RTL4: variants seen among roughly 807,000 people sequenced by gnomAD.
RTL4 encodes retrotransposon Gag-like protein 4.
Under a neutral mutation model 5.3 loss-of-function variants are expected in RTL4, and 4 were observed. The observed-to-expected ratio is 0.75, with a 90% CI of 0.37 to 1.72. The LOEUF is 1.72. Among genes scored for constraint, RTL4 ranks in the 40% most tolerant of loss-of-function variants. The pLI is 0.04. For synonymous variants in RTL4, 98 were observed against 87.3 expected (o/e 1.12, Z -0.68); for missense variants, 260 against 227.1 (o/e 1.14, Z -0.93).
chrX:112,435,266 T>C, the RTL4 span, among the ~76,000 whole-genome samples: 1 of 111,691 alleles, frequency 9.0e-6, no homozygotes, highest in Non-Finnish European at 1.9e-5. Context: ...CCAAGCATCC[T>C]TGTATACTGA....
the RTL4 span, among the ~76,000 whole-genome samples, chrX:112,123,908 A>T: frequency 1.2e-4 from 13 of 111,869 alleles, no homozygotes; most frequent in Non-Finnish European, 2.4e-4. Context: ...CAATGTACAC[A>T]ATGGGAGAAA....
the RTL4 span, among the ~76,000 whole-genome samples, chrX:112,440,040 A>G: frequency 4.5e-5 from 5 of 111,813 alleles, no homozygotes; most frequent in Non-Finnish European, 7.5e-5. Flanking sequence ...ATTTGGACAG[A>G]AAAAAAGATG....
At chrX:112,360,379 T>C in the RTL4 span, among the ~76,000 whole-genome samples, 1 of 111,135 alleles carries the variant, frequency 9.0e-6, no homozygotes, top group East Asian at 2.8e-4. Context: ...ACAAAAGATA[T>C]GTTATTTAGG....
At chrX:112,133,312 A>G in the RTL4 span, among the ~76,000 whole-genome samples, 1 of 112,396 alleles carries the variant, frequency 8.9e-6, no homozygotes, top group Non-Finnish European at 1.9e-5. Context: ...GCCAATATGT[A>G]GTTTGATATA....
the RTL4 span, among the ~76,000 whole-genome samples, chrX:112,390,221 G>A: frequency 1.1e-5 from 1 of 87,296 alleles, no homozygotes; most frequent in South Asian, 6.1e-4. Context: ...GGGAGGCTGA[G>A]GGAAGTGGAT....
At chrX:112,454,114 A>G (rs532988199), upstream of RTL4, among the ~76,000 whole-genome samples, 5 of 112,129 alleles carry the variant, frequency 4.5e-5, no homozygotes, top group South Asian at 1.8e-3. Flanking sequence ...TGGAAAAAAG[A>G]TACTTTAGAA....
At chrX:112,353,529 T>C in the RTL4 span, among the ~76,000 whole-genome samples, 2 of 111,028 alleles carry the variant, frequency 1.8e-5, no homozygotes, top group African/African-American at 6.6e-5. Context: ...TCATGTCCAT[T>C]GTAGGGACAT....
the RTL4 span, among the ~76,000 whole-genome samples, chrX:112,291,838 GC>G: frequency 9.1e-6 from 1 of 109,826 alleles, no homozygotes; most frequent in African/African-American, 3.3e-5. Flanking sequence ...CTCGTAATCC[GC>G]CCCCCTCGGC....
the RTL4 span, among the ~76,000 whole-genome samples, chrX:112,237,556 C>T: frequency 3.4e-4 from 38 of 112,191 alleles, no homozygotes; most frequent in East Asian, 9.9e-3. Context: ...AAACAGCTCC[C>T]GTATTACTCT....
chrX:112,168,242 A>T, the RTL4 span, among the ~76,000 whole-genome samples: 1 of 111,810 alleles, frequency 8.9e-6, no homozygotes, highest in Non-Finnish European at 1.9e-5. Context: ...AAACCCTCTG[A>T]AAGGCACCCT....
chrX:112,155,370 C>T, the RTL4 span, among the ~76,000 whole-genome samples: 1 of 110,941 alleles, frequency 9.0e-6, no homozygotes, highest in Non-Finnish European at 1.9e-5. Flanking sequence ...TAAACAATTG[C>T]CACTGATTGT....
the RTL4 span, among the ~76,000 whole-genome samples, chrX:112,379,542 G>A: frequency 1.8e-5 from 2 of 111,871 alleles, no homozygotes; most frequent in African/African-American, 3.2e-5. Context: ...AAGACATCAA[G>A]TACAATGTTG....
At chrX:112,115,554 C>G in the RTL4 span, among the ~76,000 whole-genome samples, 1 of 111,279 alleles carries the variant, frequency 9.0e-6, no homozygotes, top group African/African-American at 3.3e-5. Context: ...ATTTCTGAGG[C>G]TCACCATATC....
chrX:112,241,096 C>A, the RTL4 span, among the ~76,000 whole-genome samples: 1 of 111,295 alleles, frequency 9.0e-6, no homozygotes, highest in Non-Finnish European at 1.9e-5. Flanking sequence ...GGTTCCAAGT[C>A]TTTGCTATTG....
At chrX:112,161,844 C>CCTTTCTTCCTTTCTTTCTTTCTTTCTTT in the RTL4 span, among the ~76,000 whole-genome samples, 2 of 40,077 alleles carry the variant, frequency 5.0e-5, no homozygotes, top group African/African-American at 2.3e-4. Context: ...TTCCTTCCTT[C>CCTTTCTTCCTTTCTTTCTTTCTTTCTTT]CTTTCTTTCT....
chrX:112,136,026 C>CA, the RTL4 span, among the ~76,000 whole-genome samples: 1 of 109,616 alleles, frequency 9.1e-6, no homozygotes, highest in Admixed American at 9.8e-5. Flanking sequence ...TCATAGTCCT[C>CA]ATTGTACAAG....
chrX:112,427,394 A>G, the RTL4 span, among the ~76,000 whole-genome samples: 9 of 110,850 alleles, frequency 8.1e-5, no homozygotes, highest in African/African-American at 2.9e-4. Context: ...TCGAACATCT[A>G]TTCCTGGGAA....
At chrX:112,177,236 T>G in the RTL4 span, among the ~76,000 whole-genome samples, 1 of 111,480 alleles carries the variant, frequency 9.0e-6, no homozygotes, top group Non-Finnish European at 1.9e-5. Context: ...ATGGTTGTTC[T>G]ATTTTTAGGT....
At chrX:112,261,379 G>A in the RTL4 span, among the ~76,000 whole-genome samples, 3 of 99,267 alleles carry the variant, frequency 3.0e-5, no homozygotes, top group African/African-American at 1.3e-4. Context: ...AAAATCACAA[G>A]CATTCTTATA....
Sources: allele counts gnomAD v4.1 joint callset (sites outside exome capture counted in the v4.1 genomes callset), GRCh38; gene constraint gnomAD v4.1.1; transcripts MANE v1.5; gene names NCBI Gene and HGNC (gene_info 2026-07-23, HGNC 2026-07-21).